PHF21A: variants seen among roughly 807,000 people sequenced by gnomAD.
PHF21A encodes BHC80a.
Under a neutral mutation model 82.5 loss-of-function variants are expected in PHF21A, and 11 were observed. The ratio of observed to expected loss-of-function variants is 0.13; its 90% CI spans 0.08 to 0.22. The LOEUF (loss-of-function observed/expected upper bound fraction) is 0.22. Among genes scored for constraint, PHF21A ranks in the 10% least tolerant of loss-of-function variants. The pLI, the probability that PHF21A is intolerant of heterozygous loss-of-function variation, is 1.00. For synonymous variants in PHF21A, 297 were observed against 302.8 expected (o/e 0.98, Z 0.20); for missense variants, 579 against 837.8 (o/e 0.69, Z 3.81).
At chr11:46,086,859 A>G (rs1490087) in intron 3 of PHF21A, among the ~76,000 whole-genome samples, 137,277 of 152,244 alleles carry the variant, frequency 0.9, 62,063 homozygotes, top group East Asian at 1. Context: ...ACAAAGGGCT[A>G]ATACAGTTTA....
chr11:46,095,613 AC>A (rs1193937681), intron 1 of PHF21A, among the ~76,000 whole-genome samples: 1 of 152,152 alleles, frequency 6.6e-6, no homozygotes, highest in Non-Finnish European at 1.5e-5. Flanking sequence ...TGGTAAAGAA[AC>A]AAATCATCCA....
At chr11:46,120,784 C>T (rs897485549) in intron 1 of PHF21A, among the ~76,000 whole-genome samples, 151 bp downstream of exon 1, 1 of 151,330 alleles carries the variant, frequency 6.6e-6, no homozygotes, top group Admixed American at 6.6e-5. Flanking sequence ...AGCCCCTGAT[C>T]CTCCCAGAGA....
At chr11:46,047,211 T>C (rs1236303737) in intron 6 of PHF21A, among the ~76,000 whole-genome samples, 1 of 152,182 alleles carries the variant, frequency 6.6e-6, no homozygotes, top group Non-Finnish European at 1.5e-5. Flanking sequence ...GTTCCCTATG[T>C]AACTCATAGG....
chr11:46,036,074 C>T (rs1247609708), intron 6 of PHF21A, among the ~76,000 whole-genome samples: 2 of 152,088 alleles, frequency 1.3e-5, no homozygotes, highest in Non-Finnish European at 2.9e-5. Context: ...TAAAGTAGTG[C>T]TTATGGAAAG....
Position 46,090,484 on chromosome 11 carries a change from G to A in PHF21A, c.-113C>T, listed in dbSNP as rs1467427558. On this transcript the variant is annotated 5_prime_UTR_variant, in exon 3 of 19. Transcript: ENST00000676320. ...TGAGGTAGTGGGCTCCCTGTCATTAGAAGTATTCAAGAATGCTGCATATCA... is the reference window on the plus strand; with the variant it reads ...TGAGGTAGTGGGCTCCCTGTCATTAAAAGTATTCAAGAATGCTGCATATCA... 6.6e-6 allele frequency: 1 copy of A among 152,168 alleles called. No individual in the cohort carries two copies. 9.4% of individuals were successfully genotyped at this position (152,168 alleles called of 1,614,324 possible).
chr11:46,040,890 GAC>G (rs35673374), intron 6 of PHF21A, among the ~76,000 whole-genome samples: 18,050 of 136,986 alleles, frequency 0.13, 1,150 homozygotes, highest in African/African-American at 0.18. Context: ...CTGACAGGAA[GAC>G]ACACACACAC....
chr11:45,995,412 A>G (rs749535040), intron 6 of PHF21A, among the ~76,000 whole-genome samples: 24 of 152,350 alleles, frequency 1.6e-4, no homozygotes, highest in Middle Eastern at 3.4e-3. Flanking sequence ...TCATTCTTAC[A>G]CAGGGGTGCA....
intron 6 of PHF21A, among the ~76,000 whole-genome samples, chr11:46,028,731 G>A (rs1420391221): frequency 5.9e-5 from 9 of 151,984 alleles, no homozygotes; most frequent in East Asian, 5.8e-4. Context: ...CCGCCACCAC[G>A]CCCAGCTAAT....
At chr11:46,025,253 A>C (rs1448457766) in intron 6 of PHF21A, among the ~76,000 whole-genome samples, 1 of 152,128 alleles carries the variant, frequency 6.6e-6, no homozygotes, top group Non-Finnish European at 1.5e-5. Flanking sequence ...AGATACAAAG[A>C]GGTGGAGTCT....
chr11:46,057,709 C>T (rs1479173408), intron 6 of PHF21A, among the ~76,000 whole-genome samples: 1 of 152,124 alleles, frequency 6.6e-6, no homozygotes, highest in Non-Finnish European at 1.5e-5. Context: ...CTTACCCTAG[C>T]TCACTTGAAG....
chr11:46,007,843 A>G (rs962536758), intron 6 of PHF21A, among the ~76,000 whole-genome samples: 1 of 152,216 alleles, frequency 6.6e-6, no homozygotes, highest in African/African-American at 2.4e-5. Flanking sequence ...TTTTAGAACA[A>G]GGGACTTTTC....
At chr11:46,110,966 G>A (rs1056428269) in intron 1 of PHF21A, among the ~76,000 whole-genome samples, 1 of 151,392 alleles carries the variant, frequency 6.6e-6, no homozygotes, top group African/African-American at 2.4e-5. Context: ...TCTATTTTCA[G>A]TAGAGATGAG....
chr11:45,989,325 G>A (rs368418960), intron 6 of PHF21A, among the ~76,000 whole-genome samples: 2 of 151,944 alleles, frequency 1.3e-5, no homozygotes, highest in Non-Finnish European at 2.9e-5. Flanking sequence ...AAGCATGAAC[G>A]ATCTCTTAAT....
chr11:45,941,165 C>A (rs940849474), intron 15 of PHF21A, among the ~76,000 whole-genome samples: 1 of 152,102 alleles, frequency 6.6e-6, no homozygotes, highest in Non-Finnish European at 1.5e-5. Flanking sequence ...GTGCTGTGAT[C>A]TTGGCTTACT....
intron 15 of PHF21A, among the ~76,000 whole-genome samples, chr11:45,945,217 C>T (rs1565187404): frequency 6.6e-6 from 1 of 152,224 alleles, no homozygotes; most frequent in Non-Finnish European, 1.5e-5. Context: ...CAGAGTAGCG[C>T]TCAGTGAGTA....
intron 14 of PHF21A, among the ~76,000 whole-genome samples, chr11:45,947,120 C>A (rs749838069): frequency 6.6e-6 from 1 of 152,134 alleles, no homozygotes; most frequent in South Asian, 2.1e-4. Flanking sequence ...AACTGAGAGA[C>A]CTGATTTGTG....
chr11:46,063,457 G>T (rs1186826216), intron 6 of PHF21A, among the ~76,000 whole-genome samples: 1 of 152,210 alleles, frequency 6.6e-6, no homozygotes, highest in Non-Finnish European at 1.5e-5. Flanking sequence ...TGGCACAAAA[G>T]CAGTCAGTCA....
chr11:45,989,306 G>T (rs191696160), intron 6 of PHF21A, among the ~76,000 whole-genome samples: 4 of 152,188 alleles, frequency 2.6e-5, no homozygotes, highest in Admixed American at 2.6e-4. Flanking sequence ...GTTCAGCATT[G>T]TAGAAGAAAA....
At chr11:46,120,319 T>A (rs1230786761) in intron 1 of PHF21A, 2 of 84,188 alleles carry the variant, frequency 2.4e-5, no homozygotes, top group Non-Finnish European at 4.5e-5. Flanking sequence ...GTGGGGGGGA[T>A]GGAGGAGCCC....
Sources: allele counts gnomAD v4.1 joint callset (sites outside exome capture counted in the v4.1 genomes callset), GRCh38; gene constraint gnomAD v4.1.1; transcripts MANE v1.5; gene names NCBI Gene and HGNC (gene_info 2026-07-23, HGNC 2026-07-21).